ARB2A: variants seen among roughly 807,000 people sequenced by gnomAD.
The protein encoded by ARB2A is ARB2 cotranscriptional regulator A, also known as cotranscriptional regulator ARB2A.
chr5:93,699,906 C>A, the ARB2A span, among the ~76,000 whole-genome samples: 8 of 151,688 alleles, frequency 5.3e-5, no homozygotes, highest in African/African-American at 1.9e-4. Context: ...CGGAGCCTTG[C>A]AGAACTATGT....
At chr5:93,783,446 A>T in the ARB2A span, among the ~76,000 whole-genome samples, 1 of 152,140 alleles carries the variant, frequency 6.6e-6, no homozygotes, top group Non-Finnish European at 1.5e-5. Context: ...TAATTTTTCT[A>T]TCTCTTCAAA....
chr5:93,939,177 A>C, the ARB2A span, among the ~76,000 whole-genome samples: 1 of 152,158 alleles, frequency 6.6e-6, no homozygotes, highest in Non-Finnish European at 1.5e-5. Flanking sequence ...TTTTTTTTTA[A>C]ATCAAACCTA....
the ARB2A span, among the ~76,000 whole-genome samples, chr5:93,725,401 T>C: frequency 6.6e-6 from 1 of 152,030 alleles, no homozygotes; most frequent in Non-Finnish European, 1.5e-5. Flanking sequence ...ACAAAGTTAT[T>C]TCAGAAATGA....
chr5:93,814,222 C>T, the ARB2A span, among the ~76,000 whole-genome samples: 3 of 152,254 alleles, frequency 2.0e-5, no homozygotes, highest in East Asian at 1.9e-4. Context: ...AATAAATCTA[C>T]AATCAACAAC....
At chr5:93,997,946 C>T in the ARB2A span, among the ~76,000 whole-genome samples, 5 of 151,774 alleles carry the variant, frequency 3.3e-5, no homozygotes, top group African/African-American at 1.2e-4. Flanking sequence ...CTGTCCTGAT[C>T]AAACGGTTCA....
chr5:94,041,450 T>C, the ARB2A span, among the ~76,000 whole-genome samples: 115 of 152,250 alleles, frequency 7.6e-4, no homozygotes, highest in African/African-American at 2.6e-3. Flanking sequence ...TCCTTTATCT[T>C]CTGTCTCTCT....
the ARB2A span, among the ~76,000 whole-genome samples, chr5:93,864,529 G>C: frequency 2.0e-5 from 3 of 152,038 alleles, no homozygotes; most frequent in African/African-American, 7.2e-5. Context: ...TTCCTTTTAA[G>C]TGCCAAATTT....
chr5:93,634,263 G>C, the ARB2A span, among the ~76,000 whole-genome samples: 29 of 152,028 alleles, frequency 1.9e-4, no homozygotes, highest in East Asian at 4.9e-3. Flanking sequence ...AGCTGGGCGT[G>C]GTGGTGCGGG....
the ARB2A span, among the ~76,000 whole-genome samples, chr5:93,909,787 C>G: frequency 2.0e-5 from 3 of 150,468 alleles, no homozygotes; most frequent in African/African-American, 7.3e-5. Context: ...AAGAACAAAA[C>G]CAATGTAATT....
the ARB2A span, chr5:94,074,864 A>C: frequency 1.4e-6 from 1 of 737,370 alleles, no homozygotes; most frequent in Non-Finnish European, 2.2e-6. Context: ...TAATCTCTCT[A>C]TGCTAATTTC....
At chr5:93,904,369 A>G in the ARB2A span, among the ~76,000 whole-genome samples, 3 of 151,994 alleles carry the variant, frequency 2.0e-5, no homozygotes, top group East Asian at 5.8e-4. Flanking sequence ...TAAAAGTTAT[A>G]TCTTTCTCAT....
the ARB2A span, among the ~76,000 whole-genome samples, chr5:93,922,609 G>A: frequency 2.7e-4 from 30 of 110,280 alleles, no homozygotes; most frequent in Middle Eastern, 4.7e-3. Flanking sequence ...GAGGGGAAGG[G>A]AGGGGAGGGG....
chr5:93,704,208 T>C, the ARB2A span, among the ~76,000 whole-genome samples: 1 of 152,166 alleles, frequency 6.6e-6, no homozygotes, highest in Non-Finnish European at 1.5e-5. Flanking sequence ...GACTGTTAAG[T>C]ATGAGATGAT....
the ARB2A span, among the ~76,000 whole-genome samples, chr5:93,898,800 A>C: frequency 6.6e-6 from 1 of 152,126 alleles, no homozygotes; most frequent in Non-Finnish European, 1.5e-5. Flanking sequence ...CTCAAGAATA[A>C]AAATTTGTAA....
the ARB2A span, among the ~76,000 whole-genome samples, chr5:93,729,321 GT>G: frequency 6.6e-6 from 1 of 152,042 alleles, no homozygotes; most frequent in African/African-American, 2.4e-5. Flanking sequence ...TGTGCTTCTT[GT>G]CTAATTCTGA....
At chr5:93,961,311 C>G in the ARB2A span, among the ~76,000 whole-genome samples, 1 of 152,132 alleles carries the variant, frequency 6.6e-6, no homozygotes, top group Non-Finnish European at 1.5e-5. Flanking sequence ...TCCTATTTGA[C>G]TAAGTCCCCT....
At chr5:93,907,200 G>A in the ARB2A span, among the ~76,000 whole-genome samples, 3 of 151,272 alleles carry the variant, frequency 2.0e-5, no homozygotes, top group Non-Finnish European at 4.4e-5. Context: ...TCCCTGCTGT[G>A]AAAATAATCC....
chr5:93,637,226 A>T, the ARB2A span, among the ~76,000 whole-genome samples: 1 of 151,984 alleles, frequency 6.6e-6, no homozygotes, highest in Non-Finnish European at 1.5e-5. Context: ...TTCTCTGAAG[A>T]TTTATCTAGG....
the ARB2A span, among the ~76,000 whole-genome samples, chr5:93,833,518 T>C: frequency 6.6e-6 from 1 of 152,230 alleles, no homozygotes; most frequent in African/African-American, 2.4e-5. Context: ...GAGTTTATAA[T>C]ACATGCAGCT....
Sources: gnomAD v4.1 joint callset for allele counts (sites outside exome capture counted in the v4.1 genomes callset) on GRCh38, gnomAD v4.1.1 for gene constraint, MANE v1.5 for transcripts, NCBI Gene and HGNC (gene_info 2026-07-23, HGNC 2026-07-21) for gene names.